The following CORIN variants were observed in gnomAD, a reference collection of about 807,000 sequenced individuals.
CORIN encodes the protein corin, serine peptidase.
CORIN carries 117 observed loss-of-function variants against 125.3 expected under a neutral mutation model. That is an observed-to-expected ratio of 0.93 (90% CI 0.80 to 1.09). The LOEUF (loss-of-function observed/expected upper bound fraction) is 1.09, where lower values mean the gene tolerates loss of function less well. CORIN is among the 50% of genes least tolerant of loss of function. The pLI, the probability that CORIN is intolerant of heterozygous loss-of-function variation, is 0.00. For synonymous variants in CORIN, 450 were observed against 466.4 expected (o/e 0.96, Z 0.45); for missense variants, 1,253 against 1,306.7 (o/e 0.96, Z 0.63).
Position 47,653,514 on chromosome 4 carries a change from C to T in CORIN, c.1843+39G>A, listed in dbSNP as rs936373108. ...CAGTTTCTTATTTTATTCTAGTTAT[C>T]ACTGTACATTCAAGAAAAGTACCAT... On this transcript the variant is annotated intron_variant, in intron 13 of 21. Coordinates refer to ENST00000273857, the MANE Select transcript of CORIN (RefSeq NM_006587.4). The T allele has an allele frequency of 2.0e-6, 3 of 1,465,158 alleles. No homozygotes were observed. In the Admixed American group the frequency reaches 5.0e-5, roughly 25 times the overall value. 90.8% of individuals were successfully genotyped at this position (1,465,158 alleles called of 1,614,324 possible). A position where few individuals can be genotyped will look rare whatever the true frequency, so the allele number is the denominator to read the frequency against.
intron 19 of CORIN, among the ~76,000 whole-genome samples, chr4:47,619,886 A>C (rs2094189381): frequency 6.6e-6 from 1 of 152,232 alleles, no homozygotes; most frequent in South Asian, 2.1e-4. Flanking sequence ...TAGGTCTGCA[A>C]AAGACATCTG....
chr4:47,646,630 A>C (rs1002028094), intron 13 of CORIN, among the ~76,000 whole-genome samples: 3 of 152,220 alleles, frequency 2.0e-5, no homozygotes, highest in African/African-American at 7.2e-5. Context: ...CATGGCAAAA[A>C]AAATTTGAGT....
chr4:47,762,093 T>C (rs1729489945), intron 4 of CORIN, among the ~76,000 whole-genome samples: 1 of 152,146 alleles, frequency 6.6e-6, no homozygotes, highest in Non-Finnish European at 1.5e-5. Context: ...TCTGTATATA[T>C]ATGTACACAC....
intron 5 of CORIN, among the ~76,000 whole-genome samples, chr4:47,717,652 A>T (rs1409195995): frequency 6.6e-6 from 1 of 152,154 alleles, no homozygotes; most frequent in East Asian, 1.9e-4. Context: ...TACAAAAGAG[A>T]TTATTAGATA....
intron 19 of CORIN, among the ~76,000 whole-genome samples, chr4:47,619,395 T>C (rs919536380): frequency 2.0e-4 from 30 of 152,228 alleles, no homozygotes; most frequent in Non-Finnish European, 1.3e-4. Context: ...CATTAATTGC[T>C]GTAATTGATA....
intron 3 of CORIN, among the ~76,000 whole-genome samples, chr4:47,765,313 A>G (rs6829640): frequency 1.4e-5 from 2 of 142,336 alleles, no homozygotes; most frequent in African/African-American, 5.2e-5. Context: ...TCCGTCCCCC[A>G]AAAAAAAAAA....
At chr4:47,604,198 C>T (rs540060075) in intron 19 of CORIN, among the ~76,000 whole-genome samples, 15 of 152,330 alleles carry the variant, frequency 9.8e-5, no homozygotes, top group African/African-American at 3.4e-4. Flanking sequence ...CACCTTAAAA[C>T]ACTTTCTTCA....
At chr4:47,618,545 C>T (rs555923849) in intron 19 of CORIN, among the ~76,000 whole-genome samples, 4 of 152,048 alleles carry the variant, frequency 2.6e-5, no homozygotes, top group Admixed American at 2.0e-4. Context: ...GAGGGCTGGG[C>T]GCAGTGGCTC....
In CORIN at chr4:47,685,964, A is replaced by G. The variant is rs990182088; in HGVS notation, c.914-2126T>C. ...CAGAAATCAAGCAGTCAGTGGTTCA[A>G]TCTCCTGAATTCCAGCTGATTGTTT... On this transcript the variant is annotated intron_variant, in intron 6 of 21. Coordinates refer to ENST00000273857, the MANE Select transcript of CORIN (RefSeq NM_006587.4). Among the ~76,000 whole-genome samples the G allele has an allele frequency of 2.8e-4, 42 of 150,030 alleles. 1 individual carries two copies. The highest frequency in any genetic ancestry group is 6.9e-4 in the African/African-American group (28 of 40,674).
At chr4:47,680,293 G>T in intron 7 of CORIN, 42 bp from the exon 8 acceptor site, 1 of 1,423,878 alleles carries the variant, frequency 7.0e-7, no homozygotes, top group Non-Finnish European at 9.9e-7. Flanking sequence ...GAACCAGCAT[G>T]ACTAACAGGC....
chr4:47,799,633 T>C (rs1341047024), intron 2 of CORIN, among the ~76,000 whole-genome samples: 1 of 152,178 alleles, frequency 6.6e-6, no homozygotes, highest in Non-Finnish European at 1.5e-5. Context: ...TCTTGAATTG[T>C]TAAAAGAATG....
chr4:47,695,346 A>G (rs1434447946), intron 5 of CORIN, among the ~76,000 whole-genome samples: 1 of 152,212 alleles, frequency 6.6e-6, no homozygotes, highest in Non-Finnish European at 1.5e-5. Flanking sequence ...ATGCCTCACA[A>G]GAATTATTGC....
intron 5 of CORIN, among the ~76,000 whole-genome samples, chr4:47,744,128 C>T (rs138078220): frequency 1.4e-4 from 21 of 152,180 alleles, no homozygotes; most frequent in African/African-American, 4.8e-4. Context: ...TGTATGATTC[C>T]ATTTATATGA....
rs372195310 is a variant in CORIN at position 47,680,241 on chromosome 4, G to A, written c.1032C>T (p.Pro344=). 11 of 1,613,344 alleles carry A rather than the reference G, an allele frequency of 6.8e-6. No individual in the cohort carries two copies. Among genetic ancestry groups the A allele is most frequent in the Non-Finnish European group, 9.3e-6 (11 of 1,179,568 alleles). ...LSDEQNCDCN[P]TTEHRCGDGR... ...CGTCCCCGCAGCGATGCTCTGTTGT[G>A]GGATTGCAATCTGGAGAAATGAAAA... The change falls in exon 8 of 22, where the codon CCC becomes CCT. Residue 344 remains proline (P), a synonymous_variant. Coordinates refer to ENST00000273857, the MANE Select transcript of CORIN (RefSeq NM_006587.4).
chr4:47,717,782 G>A (rs1419334586), intron 5 of CORIN, among the ~76,000 whole-genome samples: 3 of 151,976 alleles, frequency 2.0e-5, no homozygotes, highest in African/African-American at 4.8e-5. Flanking sequence ...TTTAAAGACC[G>A]AAAAAAAGAG....
At chr4:47,755,767 G>A (rs374111867) in intron 4 of CORIN, among the ~76,000 whole-genome samples, 28 of 152,254 alleles carry the variant, frequency 1.8e-4, no homozygotes, top group East Asian at 1.4e-3. Flanking sequence ...TATCCAAGTC[G>A]CCTTAAAGTT....
chr4:47,684,606 T>C (rs1047386862), intron 6 of CORIN, among the ~76,000 whole-genome samples: 1 of 152,180 alleles, frequency 6.6e-6, no homozygotes, highest in African/African-American at 2.4e-5. Context: ...AATCAGCCAC[T>C]TAATAGGGTT....
chr4:47,822,408 C>G (rs1323517657), intron 1 of CORIN, among the ~76,000 whole-genome samples: 1 of 152,176 alleles, frequency 6.6e-6, no homozygotes. Flanking sequence ...ATATTGCAAC[C>G]ACCTAATTCT....
rs924936122 is a variant in CORIN, at chr4:47,790,122, G to T, written c.209-3197C>A. The T allele has an allele frequency of 7.0e-6, 4 of 573,196 alleles. No individual in the cohort carries two copies. In the African/African-American group the frequency reaches 8.5e-5, roughly 12 times the overall value. The allele number at this position is 573,196 out of a possible 1,614,324, so 35.5% of individuals were successfully genotyped here. On this transcript the variant is annotated intron_variant, in intron 2 of 21. Transcript: ENST00000273857. ...TTTTCTACATTTCTATGTTTATTGT[G>T]CTATGGTTAAAAGTACAGGTTTAAA...
Sources: gnomAD v4.1 joint callset for allele counts (sites outside exome capture counted in the v4.1 genomes callset) on GRCh38, gnomAD v4.1.1 for gene constraint, MANE v1.5 for transcripts, NCBI Gene and HGNC (gene_info 2026-07-23, HGNC 2026-07-21) for gene names.